Variants in NOX4 observed in about 807,000 individuals in gnomAD.
NOX4 encodes the protein NADPH oxidase 4.
NOX4 carries 69 observed loss-of-function variants against 87.6 expected under a neutral mutation model. The observed-to-expected ratio is 0.79, with a 90% CI of 0.65 to 0.96. The LOEUF (loss-of-function observed/expected upper bound fraction) is 0.96. Among genes scored for constraint, NOX4 ranks in the 40% least tolerant of loss-of-function variants. The probability of loss-of-function intolerance (pLI) is 0.00; values close to 1 mark genes in which losing one functional copy is unlikely to be tolerated. For synonymous variants in NOX4, 275 were observed against 238.2 expected, an observed-to-expected ratio of 1.15 and a Z score of -1.42; for missense variants, 680 against 681.5, an observed-to-expected ratio of 1.00 and a Z score of 0.02.
chr11:89,534,270 T>C, the NOX4 span, among the ~76,000 whole-genome samples: 1 of 152,250 alleles, frequency 6.6e-6, no homozygotes, highest in Non-Finnish European at 1.5e-5. Flanking sequence ...ACCTGAAGTT[T>C]ATGAGCTGGC....
intron 2 of NOX4, among the ~76,000 whole-genome samples, chr11:89,460,313 G>C (rs1945395186): frequency 6.6e-6 from 1 of 152,106 alleles, no homozygotes; most frequent in Admixed American, 6.5e-5. Context: ...TGACAAATGG[G>C]ATCTAATTAA....
chr11:89,533,774 T>C, the NOX4 span: 1 of 152,324 alleles, frequency 6.6e-6, no homozygotes, highest in Middle Eastern at 3.4e-3. Context: ...CACAGACCTC[T>C]GCCTATTGTT....
At chr11:89,393,596 C>T (rs1941272859) in intron 11 of NOX4, among the ~76,000 whole-genome samples, 1 of 152,014 alleles carries the variant, frequency 6.6e-6, no homozygotes, top group Non-Finnish European at 1.5e-5. Context: ...AGCAATAATC[C>T]AAGTTAAAAC....
chr11:89,418,810 C>T (rs1047171624), intron 8 of NOX4, among the ~76,000 whole-genome samples: 2 of 151,858 alleles, frequency 1.3e-5, no homozygotes, highest in Admixed American at 1.3e-4. Flanking sequence ...TTAAAAGAGG[C>T]TTGATCAAGA....
the NOX4 span, among the ~76,000 whole-genome samples, chr11:89,575,056 G>A: frequency 1.3e-5 from 2 of 152,090 alleles, no homozygotes; most frequent in African/African-American, 4.8e-5. Context: ...GGTGGCACGT[G>A]CCTGTAATCC....
chr11:89,430,243 T>C (rs1400229812), intron 7 of NOX4, among the ~76,000 whole-genome samples: 1 of 152,146 alleles, frequency 6.6e-6, no homozygotes, highest in East Asian at 1.9e-4. Context: ...CCACAGCCAA[T>C]ATCATGCTGA....
chr11:89,491,351 G>A lies in NOX4; in HGVS notation c.-105C>T. 7.5e-6 allele frequency: 8 copies of A among 1,063,666 alleles called. No individual in the cohort carries two copies. Among genetic ancestry groups the A allele is most frequent in the Non-Finnish European group, 1.1e-5 (8 of 747,090 alleles). 65.9% of individuals were successfully genotyped at this position (1,063,666 alleles called of 1,614,324 possible). A position where few individuals can be genotyped will look rare whatever the true frequency, so the allele number is the denominator to read the frequency against. On this transcript the variant is annotated 5_prime_UTR_variant, in exon 1 of 18. Transcript: ENST00000263317. ...TGTGCGGCCTGCCGGGCCGCTGAGC[G>A]AGGACCGAGGGTCAAAGACTGAGTG...
intron 6 of NOX4, among the ~76,000 whole-genome samples, chr11:89,438,847 TATATAATATATTATATATTATATATATA>T (rs1944286138): frequency 3.2e-4 from 9 of 27,904 alleles, no homozygotes; most frequent in Non-Finnish European, 4.6e-4. Flanking sequence ...TTATATATAT[TATATAATATATTATATATTATATATATA>T]ATATATAATA....
the NOX4 span, among the ~76,000 whole-genome samples, chr11:89,576,685 A>G: frequency 1.3e-5 from 2 of 152,188 alleles, no homozygotes; most frequent in Non-Finnish European, 2.9e-5. Context: ...AGTATTTCTC[A>G]AAAAGCTTTT....
chr11:89,358,030 C>T (rs1319775401), intron 12 of NOX4, among the ~76,000 whole-genome samples: 2 of 151,968 alleles, frequency 1.3e-5, no homozygotes. Flanking sequence ...ATCCTTTAAT[C>T]AGATTATCAG....
At chr11:89,487,662 A>T (rs1946684503) in intron 2 of NOX4, among the ~76,000 whole-genome samples, 1 of 152,210 alleles carries the variant, frequency 6.6e-6, no homozygotes, top group African/African-American at 2.4e-5. Context: ...CAGGAATCCC[A>T]CATGCGTATA....
chr11:89,432,995 C>T, intron 6 of NOX4, 139 bp from the exon 7 acceptor site: 2 of 613,352 alleles, frequency 3.3e-6, no homozygotes, highest in South Asian at 4.1e-5. Context: ...TGTATGTTCT[C>T]CCTCAAACAA....
chr11:89,399,923 C>T (rs1433259434), intron 11 of NOX4, 94 bp downstream of exon 11: 6 of 776,568 alleles, frequency 7.7e-6, no homozygotes, highest in African/African-American at 1.8e-5. Context: ...ACTATGATAG[C>T]CTTGAATACC....
chr11:89,588,409 G>A, the NOX4 span, among the ~76,000 whole-genome samples: 2 of 152,154 alleles, frequency 1.3e-5, no homozygotes, highest in African/African-American at 4.8e-5. Context: ...ACTTTAGACT[G>A]AAATTGTTTC....
the NOX4 span, among the ~76,000 whole-genome samples, chr11:89,549,760 G>A: frequency 6.6e-6 from 1 of 152,166 alleles, no homozygotes; most frequent in Non-Finnish European, 1.5e-5. Context: ...CTGTTCCTGG[G>A]TTAGTTTGCA....
intron 17 of NOX4, among the ~76,000 whole-genome samples, chr11:89,334,066 T>C (rs549713479): frequency 2.5e-3 from 380 of 151,868 alleles, no homozygotes; most frequent in African/African-American, 8.9e-3. Flanking sequence ...TATTTCCCTG[T>C]AAATAATCTG....
chr11:89,528,221 C>T, the NOX4 span, among the ~76,000 whole-genome samples: 1 of 152,186 alleles, frequency 6.6e-6, no homozygotes, highest in African/African-American at 2.4e-5. Context: ...TGCCTGTACA[C>T]CCCTTGTATC....
rs376067690 is a variant in NOX4 at position 89,490,524 on chromosome 11, A to G, written c.87T>C (p.Leu29=). 2.6e-5 allele frequency: 42 copies of G among 1,613,980 alleles called. No individual in the cohort carries two copies. The African/African-American group carries it at 5.5e-4, about 21-fold the overall frequency. Residue 29 remains leucine (L), a synonymous_variant, in exon 2 of 18, where the codon CTT becomes CTC. Coordinates refer to ENST00000263317, the MANE Select transcript of NOX4 (RefSeq NM_016931.5). ...TATACAGCAAGAAGGTTTTCCAGAAAAGCAGGACATTCATGGAGAGCCAGA... is the reference window on the plus strand; with the variant it reads ...TATACAGCAAGAAGGTTTTCCAGAAGAGCAGGACATTCATGGAGAGCCAGA... The part of the protein sequence containing the change: ...LFIWLSMNVL[L]FWKTFLLYNQ...
chr11:89,464,854 T>C (rs1327637027), intron 2 of NOX4, among the ~76,000 whole-genome samples: 1 of 152,206 alleles, frequency 6.6e-6, no homozygotes, highest in Non-Finnish European at 1.5e-5. Flanking sequence ...AAATGCCGTT[T>C]CTCTCCAAAA....
Sources: allele counts gnomAD v4.1 joint callset (sites outside exome capture counted in the v4.1 genomes callset), GRCh38; gene constraint gnomAD v4.1.1; transcripts MANE v1.5; gene names NCBI Gene and HGNC (gene_info 2026-07-23, HGNC 2026-07-21).